Variants in OAS2 observed in about 807,000 individuals in gnomAD.
The protein encoded by OAS2 is 2'-5'-oligoadenylate synthetase 2, also known as 2'-5'-oligoadenylate synthase 2.
Under a neutral mutation model 71.3 loss-of-function variants are expected in OAS2, and 67 were observed. That is an observed-to-expected ratio of 0.94 (90% confidence interval 0.77 to 1.15). The LOEUF (loss-of-function observed/expected upper bound fraction) is 1.15. OAS2 is among the 50% of genes most tolerant of loss of function. OAS2 has a pLI of 0.00. For missense variants in OAS2, 789 were observed against 822.5 expected (o/e 0.96, Z 0.50); for synonymous variants, 327 against 321.8 (o/e 1.02, Z -0.17).
chr12:112,990,716 T>C (rs1005439067), intron 2 of OAS2, among the ~76,000 whole-genome samples: 1 of 152,240 alleles, frequency 6.6e-6, no homozygotes, highest in Admixed American at 6.5e-5. Flanking sequence ...GGGCCTGTTA[T>C]CTGTCAGGTG....
rs201588034 is a variant in OAS2, at chr12:113,004,891, C to T, written c.1180-43C>T. The T allele has an allele frequency of 4.4e-6, 7 of 1,601,636 alleles. No individual in the cohort carries two copies. The South Asian group carries it at 4.5e-5, about 10-fold the overall frequency. The stretch of plus-strand genomic sequence containing the variant: ...CAGCCCACGGGGGCACGGGACTCCT[C>T]GGTTAAGGAAATTCTGGATCTCAAC... On this transcript the variant is annotated intron_variant, in intron 6 of 9. Coordinates refer to ENST00000392583, the MANE Select transcript of OAS2 (RefSeq NM_002535.3).
chr12:112,999,781 T>A (rs2044267672), intron 5 of OAS2, among the ~76,000 whole-genome samples: 1 of 152,228 alleles, frequency 6.6e-6, no homozygotes, highest in Admixed American at 6.5e-5. Flanking sequence ...TTGAAACATT[T>A]AAAAAGTTAG....
At chr12:112,994,611 G>A (rs1224143505) in intron 2 of OAS2, among the ~76,000 whole-genome samples, 4 of 151,954 alleles carry the variant, frequency 2.6e-5, no homozygotes, top group Non-Finnish European at 5.9e-5. Flanking sequence ...TAGTACAGAC[G>A]GGGTTTCATC....
chr12:112,986,809 A>G (rs1356280906), intron 1 of OAS2, among the ~76,000 whole-genome samples: 1 of 152,200 alleles, frequency 6.6e-6, no homozygotes, highest in Non-Finnish European at 1.5e-5. Flanking sequence ...GGGGCAGTTC[A>G]ATCCGTTTCT....
intron 5 of OAS2, among the ~76,000 whole-genome samples, chr12:112,999,471 C>T (rs1051275772): frequency 2.6e-5 from 4 of 152,276 alleles, no homozygotes; most frequent in Admixed American, 2.6e-4. Context: ...TTATGGGAGG[C>T]GGAATCTATA....
intron 9 of OAS2, 70 bp downstream of exon 9, chr12:113,008,013 T>C: frequency 8.9e-7 from 1 of 1,123,624 alleles, no homozygotes; most frequent in Non-Finnish European, 1.3e-6. Context: ...AACCTGGATT[T>C]TCCTCTGCTG....
At chr12:112,987,376 C>G in intron 2 of OAS2, 68 bp downstream of exon 2, 2 of 1,591,212 alleles carry the variant, frequency 1.3e-6, no homozygotes, top group Non-Finnish European at 1.7e-6. Context: ...TGTGCAACCT[C>G]TAGGCCATGA....
Position 113,007,829 on chromosome 12 carries a change from C to CA in OAS2, c.1782dup (p.Val595SerfsTer22). ...TTTGACACTGCAGAAGGTTTCCGGA[C>CA]AGTCCTGGAGCTGGTCACACAATAT... is the stretch of plus-strand genomic sequence containing the variant. On this transcript the variant is annotated frameshift_variant, in exon 9 of 10. Transcript: ENST00000392583. LOFTEE classifies it high-confidence loss of function. 6.2e-7 allele frequency: 1 copy of CA among 1,614,184 alleles called. No homozygotes were observed. Among genetic ancestry groups the CA allele is most frequent in the Non-Finnish European group, 8.5e-7 (1 of 1,180,026 alleles).
chr12:112,983,555 C>A (rs1565989140), intron 1 of OAS2, among the ~76,000 whole-genome samples: 1 of 152,104 alleles, frequency 6.6e-6, no homozygotes, highest in Non-Finnish European at 1.5e-5. Context: ...TTAAGATGAA[C>A]CGTTAGGTTG....
At chr12:113,002,316 C>T (rs748207387) in intron 5 of OAS2, among the ~76,000 whole-genome samples, 16 of 152,352 alleles carry the variant, frequency 1.1e-4, no homozygotes, top group South Asian at 6.2e-4. Flanking sequence ...GACTTAACCA[C>T]GTGTGCTTCA....
rs773616433 is a variant in OAS2 at position 112,995,408 on chromosome 12, GT to G, written c.567del (p.Phe189LeufsTer8). 4 of 1,614,154 alleles carry G rather than the reference GT, an allele frequency of 2.5e-6. No individual in the cohort carries two copies. In the African/African-American group the frequency reaches 4.0e-5, roughly 16 times the overall value. Reference protein sequence around the residue: ...AVCFTELQQKFFDNRPGKLKD... With the variant: ...AVCFTELQQKXFDNRPGKLKD... ...TCTGCTTCACTGAACTCCAGCAGAA[GT>G]TTTTTGACAACCGTCCTGGAAAACT... On this transcript the variant is annotated frameshift_variant, in exon 3 of 10. Coordinates refer to ENST00000392583, the MANE Select transcript of OAS2 (RefSeq NM_002535.3). LOFTEE classifies it high-confidence loss of function.
chr12:113,005,307 A>G, intron 7 of OAS2, 85 bp downstream of exon 7: 1 of 1,357,060 alleles, frequency 7.4e-7, no homozygotes, highest in Non-Finnish European at 1.0e-6. Context: ...GGGCTCTGAA[A>G]ACATGTGCCA....
Position 112,998,410 on chromosome 12 carries a change from G to T in OAS2, c.1008G>T (p.Leu336=). Residue 336 remains leucine (L), a splice_region_variant and synonymous_variant, in exon 5 of 10, where the codon CTG becomes CTT. Transcript: ENST00000392583. ...NELPAPSWNV[L]PAPLFTTPGH... is the part of the protein sequence containing the mutation. ...TACCTGCACCATCTTGGAATGTTCT[G>T]GTAAGAGGGTTTTCCAAATACAGGG... 6.2e-7 allele frequency: 1 copy of T among 1,606,826 alleles called. No individual in the cohort carries two copies. Among genetic ancestry groups the T allele is most frequent in the Non-Finnish European group, 8.5e-7 (1 of 1,178,002 alleles).
At position 113,004,891 on chromosome 12, in the gene OAS2, C is replaced by A. The variant is rs201588034; in HGVS notation, c.1180-43C>A. The A allele has an allele frequency of 1.9e-5, 30 of 1,601,634 alleles. No individual in the cohort carries two copies. The East Asian group carries it at 6.3e-4, about 33-fold the overall frequency. On this transcript the variant is annotated intron_variant, in intron 6 of 9. Transcript: ENST00000392583. ...CAGCCCACGGGGGCACGGGACTCCT[C>A]GGTTAAGGAAATTCTGGATCTCAAC... is the stretch of plus-strand genomic sequence containing the variant.
chr12:113,005,903 A>AAACAAC (rs576604857), intron 7 of OAS2, among the ~76,000 whole-genome samples: 753 of 46,582 alleles, frequency 0.016, 47 homozygotes, highest in Middle Eastern at 0.062. Context: ...AAAAAGCAAA[A>AAACAAC]AACAACAACA....
rs1416395505 is a variant in OAS2 at position 113,007,830 on chromosome 12, A to T, written c.1782A>T (p.Thr594=). ...TTGACACTGCAGAAGGTTTCCGGAC[A>T]GTCCTGGAGCTGGTCACACAATATC... is the stretch of plus-strand genomic sequence containing the variant. The part of the protein sequence containing the change: ...PDFDTAEGFR[T]VLELVTQYQQ... The change falls in exon 9 of 10, where the codon ACA becomes ACT. Residue 594 remains threonine (T), a synonymous_variant. Coordinates refer to ENST00000392583, the MANE Select transcript of OAS2 (RefSeq NM_002535.3). The T allele has an allele frequency of 2.5e-6, 4 of 1,614,072 alleles. No homozygotes were observed. Among genetic ancestry groups the T allele is most frequent in the Non-Finnish European group, 3.4e-6 (4 of 1,180,020 alleles).
chr12:112,993,198 T>A (rs1396311689), intron 2 of OAS2, among the ~76,000 whole-genome samples: 1 of 152,206 alleles, frequency 6.6e-6, no homozygotes, highest in Non-Finnish European at 1.5e-5. Flanking sequence ...TTACACCAGG[T>A]CCAGGCTGGC....
At chr12:112,992,520 C>T (rs1205539323) in intron 2 of OAS2, among the ~76,000 whole-genome samples, 1 of 152,166 alleles carries the variant, frequency 6.6e-6, no homozygotes, top group Non-Finnish European at 1.5e-5. Flanking sequence ...AAGCCCAGGT[C>T]TTCTAAGCCC....
chr12:112,992,791 C>T (rs1004365088), intron 2 of OAS2, among the ~76,000 whole-genome samples: 1 of 152,004 alleles, frequency 6.6e-6, no homozygotes, highest in Non-Finnish European at 1.5e-5. Flanking sequence ...ATTCCAGGGC[C>T]ATTAGGATGC....
Sources: allele counts gnomAD v4.1 joint callset (sites outside exome capture counted in the v4.1 genomes callset), GRCh38; gene constraint gnomAD v4.1.1; transcripts MANE v1.5; gene names NCBI Gene and HGNC (gene_info 2026-07-23, HGNC 2026-07-21).